Variants in ST7 observed in about 807,000 individuals in gnomAD.
ST7 encodes suppression of tumorigenicity 7, also known as suppressor of tumorigenicity 7 protein.
ST7 carries 28 observed loss-of-function variants against 78.7 expected under a neutral mutation model. That is an observed-to-expected ratio of 0.36 (90% CI 0.26 to 0.49). The LOEUF (loss-of-function observed/expected upper bound fraction) is 0.49. ST7 is among the 20% of genes least tolerant of loss of function. ST7 has a pLI of 0.99. For synonymous variants in ST7, 247 were observed against 249.6 expected (o/e 0.99, Z 0.10); for missense variants, 418 against 696.0 (o/e 0.60, Z 4.49).
chr7:117,099,599 C>G (rs950031633), intron 1 of ST7, among the ~76,000 whole-genome samples, 163 bp from the exon 2 acceptor site: 1 of 152,112 alleles, frequency 6.6e-6, no homozygotes, highest in Non-Finnish European at 1.5e-5. Context: ...TATTCTGAGC[C>G]TATGTAATGG....
At chr7:117,214,267 C>G (rs1384793684) in intron 13 of ST7, among the ~76,000 whole-genome samples, 1 of 152,086 alleles carries the variant, frequency 6.6e-6, no homozygotes, top group Non-Finnish European at 1.5e-5. Context: ...CCAAGTAAGA[C>G]TCTTTATTTT....
rs1807938641 is a variant in ST7, at chr7:117,170,901, CA to C, written c.1004del (p.His335LeufsTer5). ...EFPLLSMFNI[H>X]ENLLEALLEL... ...CCCCCTTCTGAGTATGTTCAATATCCATGAAAACCTTTTAGAAGCCCTTCTG... is the reference window on the plus strand; with the variant it reads ...CCCCCTTCTGAGTATGTTCAATATCCTGAAAACCTTTTAGAAGCCCTTCTG... On this transcript the variant is annotated frameshift_variant, in exon 10 of 16. Coordinates refer to ENST00000323984, the MANE Select transcript of ST7 (RefSeq NM_001369598.1). LOFTEE classifies it high-confidence loss of function. 1 of 1,611,372 alleles carries C rather than the reference CA, an allele frequency of 6.2e-7. No homozygotes were observed. Among genetic ancestry groups the C allele is most frequent in the African/African-American group, 1.3e-5 (1 of 74,778 alleles).
At chr7:117,112,666 T>A (rs1802529612) in intron 2 of ST7, 2 of 152,186 alleles carry the variant, frequency 1.3e-5, no homozygotes, top group African/African-American at 4.8e-5. Context: ...ATAATGGTGA[T>A]TCTGGAACGA....
chr7:117,097,648 A>G (rs1563078431), intron 1 of ST7, among the ~76,000 whole-genome samples: 2 of 151,280 alleles, frequency 1.3e-5, no homozygotes, highest in Non-Finnish European at 2.9e-5. Context: ...AAAAAATAAC[A>G]GGGAATGTGG....
chr7:117,195,171 A>G (rs1810191652), intron 12 of ST7, among the ~76,000 whole-genome samples: 1 of 151,876 alleles, frequency 6.6e-6, no homozygotes, highest in South Asian at 2.1e-4. Context: ...AAATTAGCAT[A>G]GGGCTCTTAA....
chr7:116,964,306 G>A (rs1792990080), intron 1 of ST7, among the ~76,000 whole-genome samples: 1 of 152,188 alleles, frequency 6.6e-6, no homozygotes, highest in African/African-American at 2.4e-5. Flanking sequence ...TCTTGGGAAT[G>A]AGAATGAAAT....
intron 1 of ST7, among the ~76,000 whole-genome samples, chr7:116,992,594 A>G (rs1462469510): frequency 6.6e-6 from 1 of 152,202 alleles, no homozygotes; most frequent in African/African-American, 2.4e-5. Flanking sequence ...CAGGTCTGTG[A>G]TGAGAGAGGC....
At chr7:117,000,506 AAG>A (rs1319201546) in intron 1 of ST7, among the ~76,000 whole-genome samples, 9 of 152,244 alleles carry the variant, frequency 5.9e-5, no homozygotes, top group Non-Finnish European at 8.8e-5. Context: ...AGTGACCAAA[AAG>A]CAAAGTGATC....
At chr7:117,073,337 T>C (rs1584572309) in intron 1 of ST7, among the ~76,000 whole-genome samples, 1 of 152,292 alleles carries the variant, frequency 6.6e-6, no homozygotes, top group East Asian at 1.9e-4. Context: ...TATTACATAA[T>C]ATGTTAGTGA....
chr7:117,072,868 T>G (rs1037459109), intron 1 of ST7: 1 of 152,100 alleles, frequency 6.6e-6, no homozygotes, highest in African/African-American at 2.4e-5. Flanking sequence ...CAGGCGTAGA[T>G]GAAGGGAGTT....
chr7:116,964,503 C>A (rs1464442236), intron 1 of ST7, among the ~76,000 whole-genome samples: 1 of 151,922 alleles, frequency 6.6e-6, no homozygotes, highest in Admixed American at 6.6e-5. Context: ...TGTACTTTTC[C>A]CTGGGGCTTG....
intron 1 of ST7, among the ~76,000 whole-genome samples, chr7:117,097,051 T>C (rs770494021): frequency 1.8e-4 from 28 of 152,136 alleles, no homozygotes; most frequent in Non-Finnish European, 3.2e-4. Context: ...AAACTCAATT[T>C]TTTTTTTCAC....
At chr7:116,957,984 G>A (rs2116129710) in intron 1 of ST7, among the ~76,000 whole-genome samples, 1 of 152,138 alleles carries the variant, frequency 6.6e-6, no homozygotes, top group Middle Eastern at 3.4e-3. Flanking sequence ...TAGGCTTAAA[G>A]TTATTTATTT....
At chr7:117,087,743 C>T (rs933630031) in intron 1 of ST7, among the ~76,000 whole-genome samples, 1 of 152,188 alleles carries the variant, frequency 6.6e-6, no homozygotes, top group African/African-American at 2.4e-5. Flanking sequence ...TTGACTTTGG[C>T]CCCACTTCAC....
intron 2 of ST7, among the ~76,000 whole-genome samples, chr7:117,103,069 A>C (rs1008589987): frequency 3.3e-5 from 5 of 152,188 alleles, no homozygotes; most frequent in African/African-American, 7.2e-5. Context: ...CTGATGGAAA[A>C]AAATTGAAGA....
rs2095090969 is a variant in ST7, at chr7:117,195,117, G to C, written c.1254+4181G>C. Among the ~76,000 whole-genome samples, 3 of 151,436 alleles carry C rather than the reference G, an allele frequency of 2.0e-5. No homozygotes were observed. The South Asian group carries it at 6.2e-4, about 32-fold the overall frequency. On this transcript the variant is annotated intron_variant, in intron 12 of 15. Transcript: ENST00000323984. ...CTACTCATATTTAAGACTATTTCTAGCCTTTTTTCCTACATATTTTAAATA... is the reference window on the plus strand; with the variant it reads ...CTACTCATATTTAAGACTATTTCTACCCTTTTTTCCTACATATTTTAAATA...
intron 3 of ST7, among the ~76,000 whole-genome samples, chr7:117,123,106 A>G (rs1803535303): frequency 6.6e-6 from 1 of 152,200 alleles, no homozygotes; most frequent in South Asian, 2.1e-4. Flanking sequence ...TGTACATGAA[A>G]TATAACATGG....
chr7:117,228,739 C>G (rs1006912853), intron 15 of ST7, among the ~76,000 whole-genome samples: 1 of 152,136 alleles, frequency 6.6e-6, no homozygotes, highest in Non-Finnish European at 1.5e-5. Flanking sequence ...CTATGATCCC[C>G]TCTGCATTAT....
Position 117,050,790 on chromosome 7 carries a change from C to T in ST7, c.152-48972C>T, listed in dbSNP as rs533980895. On this transcript the variant is annotated intron_variant, in intron 1 of 15. Coordinates refer to ENST00000323984, the MANE Select transcript of ST7 (RefSeq NM_001369598.1). ...CTAAAAATACAAAAATTTAGCTGGGCGTGATGGCGCACGCCTGTAGTCCCA... is the reference window on the plus strand; with the variant it reads ...CTAAAAATACAAAAATTTAGCTGGGTGTGATGGCGCACGCCTGTAGTCCCA... 3.3e-5 allele frequency among the ~76,000 whole-genome samples: 5 copies of T among 151,934 alleles called. No homozygotes were observed. The East Asian group carries it at 7.8e-4, about 24-fold the overall frequency.
Sources: allele counts gnomAD v4.1 joint callset (sites outside exome capture counted in the v4.1 genomes callset), GRCh38; gene constraint gnomAD v4.1.1; transcripts MANE v1.5; gene names NCBI Gene and HGNC (gene_info 2026-07-23, HGNC 2026-07-21).